GRB10: variants seen among roughly 807,000 people sequenced by gnomAD.
The protein encoded by GRB10 is growth factor receptor-bound protein 10.
GRB10 carries 20 observed loss-of-function variants against 80.9 expected under a neutral mutation model. The ratio of observed to expected loss-of-function variants is 0.25; its 90% CI spans 0.17 to 0.36. GRB10 has a LOEUF of 0.36. Among genes scored for constraint, GRB10 ranks in the 10% least tolerant of loss-of-function variants. The pLI is 1.00. For missense variants in GRB10, 548 were observed against 747.7 expected, an observed-to-expected ratio of 0.73 and a Z score of 3.12; for synonymous variants, 291 against 291.5, an observed-to-expected ratio of 1.00 and a Z score of 0.02.
intron 3 of GRB10, among the ~76,000 whole-genome samples, chr7:50,737,827 G>A (rs866329884): frequency 1.3e-5 from 2 of 152,122 alleles, no homozygotes; most frequent in South Asian, 2.1e-4. Context: ...CAGCCTGGGC[G>A]ACAAGAGCAA....
chr7:50,786,206 C>G (rs767668484), upstream of GRB10, among the ~76,000 whole-genome samples: 4 of 152,036 alleles, frequency 2.6e-5, no homozygotes, highest in Non-Finnish European at 5.9e-5. Flanking sequence ...AAAAACAACA[C>G]AACAGACACA....
chr7:50,638,208 G>C (rs1375000794), intron 7 of GRB10, among the ~76,000 whole-genome samples: 1 of 152,162 alleles, frequency 6.6e-6, no homozygotes, highest in Non-Finnish European at 1.5e-5. Context: ...TTTGGAGTTT[G>C]GCCTAGGCAA....
chr7:50,610,741 T>C (rs1215810988), intron 13 of GRB10, among the ~76,000 whole-genome samples: 1 of 152,298 alleles, frequency 6.6e-6, no homozygotes, highest in African/African-American at 2.4e-5. Context: ...GCCTGGCCCA[T>C]AGCAAATGCT....
chr7:50,768,267 G>GA (rs1171238253), intron 2 of GRB10, among the ~76,000 whole-genome samples: 16 of 152,188 alleles, frequency 1.1e-4, no homozygotes, highest in African/African-American at 3.6e-4. Flanking sequence ...AAATAATTTA[G>GA]AAAAATCGAT....
intron 3 of GRB10, among the ~76,000 whole-genome samples, chr7:50,746,864 T>C (rs1233945927): frequency 3.9e-5 from 6 of 152,154 alleles, no homozygotes; most frequent in African/African-American, 1.4e-4. Context: ...CCTCAATTCA[T>C]GACCTCTTCC....
At chr7:50,720,291 T>C (rs1261660632) in intron 4 of GRB10, among the ~76,000 whole-genome samples, 4 of 152,228 alleles carry the variant, frequency 2.6e-5, no homozygotes, top group Admixed American at 6.5e-5. Flanking sequence ...AAGATGATAA[T>C]AATAATAAAT....
At chr7:50,649,625 G>T (rs562462746) in intron 7 of GRB10, among the ~76,000 whole-genome samples, 113 of 152,322 alleles carry the variant, frequency 7.4e-4, no homozygotes, top group African/African-American at 2.6e-3. Context: ...TACAAGAGCT[G>T]CTGGGCTGTG....
chr7:50,645,668 G>A (rs559348799), intron 7 of GRB10: 37 of 979,608 alleles, frequency 3.8e-5, no homozygotes, highest in East Asian at 2.3e-4. Context: ...AGCAAACGCC[G>A]TCGTATCAGA....
At chr7:50,634,928 T>C (rs757772896) in intron 7 of GRB10, among the ~76,000 whole-genome samples, 4 of 152,100 alleles carry the variant, frequency 2.6e-5, no homozygotes, top group Non-Finnish European at 5.9e-5. Context: ...ATGACAGCAA[T>C]ACCATAATAG....
intron 7 of GRB10, among the ~76,000 whole-genome samples, chr7:50,648,505 A>C (rs948412381): frequency 6.6e-6 from 1 of 152,212 alleles, no homozygotes; most frequent in African/African-American, 2.4e-5. Context: ...GAGGGAAAGG[A>C]AGGCAGAGCC....
intron 13 of GRB10, among the ~76,000 whole-genome samples, chr7:50,610,363 C>T (rs904458264): frequency 4.6e-5 from 7 of 152,364 alleles, no homozygotes; most frequent in African/African-American, 1.7e-4. Flanking sequence ...CACTTGAGAC[C>T]GGCCCCGAGG....
At chr7:50,629,905 G>C (rs1215030558) in intron 7 of GRB10, among the ~76,000 whole-genome samples, 1 of 152,162 alleles carries the variant, frequency 6.6e-6, no homozygotes, top group Admixed American at 6.5e-5. Flanking sequence ...AGGTTCTCTC[G>C]AGCAGGTCAA....
At chr7:50,678,577 C>A (rs929365848) in intron 5 of GRB10, among the ~76,000 whole-genome samples, 1 of 152,228 alleles carries the variant, frequency 6.6e-6, no homozygotes, top group African/African-American at 2.4e-5. Context: ...GTAAGCTTCA[C>A]TAAATTCTAA....
rs1445999006 is a variant in GRB10, at chr7:50,770,015, C to T, written c.-217+10612G>A. Among the ~76,000 whole-genome samples the T allele has an allele frequency of 2.0e-5, 3 of 152,278 alleles. No homozygotes were observed. In the East Asian group the frequency reaches 5.8e-4, roughly 30 times the overall value. ...GGACACATCACACTGGCTCAACAAACACTGGGGGAAGAGACAGAGAGACAG... is the reference window on the plus strand; with the variant it reads ...GGACACATCACACTGGCTCAACAAATACTGGGGGAAGAGACAGAGAGACAG... On this transcript the variant is annotated intron_variant, in intron 2 of 18. Coordinates refer to ENST00000401949, the MANE Select transcript of GRB10 (RefSeq NM_001350814.2).
intron 4 of GRB10, among the ~76,000 whole-genome samples, chr7:50,709,876 T>A (rs1183298659): frequency 1.3e-5 from 2 of 151,904 alleles, no homozygotes; most frequent in Non-Finnish European, 2.9e-5. Flanking sequence ...GGGACCCAGG[T>A]GTCTATGTGT....
chr7:50,654,208 G>C (rs1563307865), intron 7 of GRB10, among the ~76,000 whole-genome samples: 1 of 152,230 alleles, frequency 6.6e-6, no homozygotes, highest in Non-Finnish European at 1.5e-5. Flanking sequence ...CTGAAGTGTG[G>C]GGAATGCCTG....
At chr7:50,642,171 C>A (rs2056375121) in intron 7 of GRB10, among the ~76,000 whole-genome samples, 1 of 152,062 alleles carries the variant, frequency 6.6e-6, no homozygotes, top group Non-Finnish European at 1.5e-5. Flanking sequence ...GCGGAACCAG[C>A]AGGGGAAACT....
chr7:50,668,033 C>T (rs1184028344), intron 7 of GRB10, among the ~76,000 whole-genome samples: 1 of 152,156 alleles, frequency 6.6e-6, no homozygotes. Context: ...AGGTCACCAG[C>T]GAGGTAGACA....
At chr7:50,711,403 G>A (rs1206229288) in intron 4 of GRB10, among the ~76,000 whole-genome samples, 2 of 152,168 alleles carry the variant, frequency 1.3e-5, no homozygotes, top group Non-Finnish European at 2.9e-5. Context: ...CTCCTGCCCA[G>A]CCAGGGACAT....
Sources: gnomAD v4.1 joint callset for allele counts (sites outside exome capture counted in the v4.1 genomes callset) on GRCh38, gnomAD v4.1.1 for gene constraint, MANE v1.5 for transcripts, NCBI Gene and HGNC (gene_info 2026-07-23, HGNC 2026-07-21) for gene names.